The following ZNF555 variants were observed in gnomAD, a reference collection of about 807,000 sequenced individuals.
The protein encoded by ZNF555 is zinc finger protein 555.
A neutral mutation model predicts 14.0 loss-of-function variants in ZNF555; 10 were observed. That is an observed-to-expected ratio of 0.72 (90% confidence interval 0.44 to 1.21). The LOEUF is 1.21. Among genes scored for constraint, ZNF555 ranks in the 50% most tolerant of loss-of-function variants. The probability of loss-of-function intolerance (pLI) is 0.00; values close to 1 mark genes in which losing one functional copy is unlikely to be tolerated. For missense variants in ZNF555, 747 were observed against 762.0 expected, an observed-to-expected ratio of 0.98 and a Z score of 0.23; for synonymous variants, 277 against 262.4, an observed-to-expected ratio of 1.06 and a Z score of -0.54.
chr19:2,860,320 C>T lies in ZNF555; in HGVS notation c.*6368C>T, dbSNP rs1172244602. The T allele has an allele frequency of 1.3e-5, 2 of 151,954 alleles. No homozygotes were observed. Among genetic ancestry groups the T allele is most frequent in the Non-Finnish European group, 2.9e-5 (2 of 68,010 alleles). 9.4% of individuals were successfully genotyped at this position (151,954 alleles called of 1,614,324 possible). A position where few individuals can be genotyped will look rare whatever the true frequency, so the allele number is the denominator to read the frequency against. On this transcript the variant is annotated 3_prime_UTR_variant, in exon 4 of 4. Coordinates refer to ENST00000334241, the MANE Select transcript of ZNF555 (RefSeq NM_152791.5). The stretch of plus-strand genomic sequence containing the variant: ...AGTGTCTGTGAATGTCCATGTGTCT[C>T]ACTGCACAGCTGTGATTTTTCTGTG...
rs2087689314 is a variant in ZNF555 at position 2,857,100 on chromosome 19, AG to A, written c.*3150del. 1.3e-5 allele frequency: 2 copies of A among 152,232 alleles called. No homozygotes were observed. Among genetic ancestry groups the A allele is most frequent in the South Asian group, 4.1e-4 (2 of 4,832 alleles). The allele number at this position is 152,232 out of a possible 1,614,324, so 9.4% of individuals were successfully genotyped here. On this transcript the variant is annotated 3_prime_UTR_variant, in exon 4 of 4. Coordinates refer to ENST00000334241, the MANE Select transcript of ZNF555 (RefSeq NM_152791.5). Reference sequence around the variant, plus strand: ...GAACTTCCAGAATTAACTAGGGAAGAGGAAAAACATGTAACACCTTAGAGTT... The same window carrying A: ...GAACTTCCAGAATTAACTAGGGAAGAGAAAAACATGTAACACCTTAGAGTT...
intron 1 of ZNF555, among the ~76,000 whole-genome samples, chr19:2,841,946 C>T (rs2087540587): frequency 6.6e-6 from 1 of 151,810 alleles, no homozygotes; most frequent in Non-Finnish European, 1.5e-5. Context: ...CCCCGGGCCG[C>T]GGGAGGCAGA....
At position 2,853,455 on chromosome 19, in the gene ZNF555, T is replaced by C; in HGVS notation, c.1390T>C (p.Ser464Pro). Residue 464 changes from serine (S) to proline (P), a missense_variant, in exon 4 of 4, where the codon TCT becomes CCT. Transcript: ENST00000334241. ...CKQCGKAFSL[S>P]ACFREHVRMH... is the part of the protein sequence containing the mutation. ...GCAGTGTGGGAAAGCCTTCAGCTTGTCTGCTTGCTTTCGAGAACATGTGAG... is the reference window on the plus strand; with the variant it reads ...GCAGTGTGGGAAAGCCTTCAGCTTGCCTGCTTGCTTTCGAGAACATGTGAG... 1 of 1,614,110 alleles carries C rather than the reference T, an allele frequency of 6.2e-7. No individual in the cohort carries two copies.
chr19:2,841,826 G>A (rs1264164519), intron 1 of ZNF555, among the ~76,000 whole-genome samples: 1 of 151,612 alleles, frequency 6.6e-6, no homozygotes, highest in African/African-American at 2.4e-5. Flanking sequence ...GGCGCCCGGA[G>A]CCCGACTCCG....
In ZNF555 at chr19:2,858,445, G is replaced by A. The variant is rs1156350965; in HGVS notation, c.*4493G>A. Reference sequence around the variant, plus strand: ...CTGTGGTTCTGAAACATAAAACGGGGACCCTACACTTCTTCCCAGGAATAT... The same window carrying A: ...CTGTGGTTCTGAAACATAAAACGGGAACCCTACACTTCTTCCCAGGAATAT... On this transcript the variant is annotated 3_prime_UTR_variant, in exon 4 of 4. Transcript: ENST00000334241. 1 of 152,080 alleles carries A rather than the reference G, an allele frequency of 6.6e-6. No individual in the cohort carries two copies. Among genetic ancestry groups the A allele is most frequent in the Non-Finnish European group, 1.5e-5 (1 of 68,022 alleles). 9.4% of individuals were successfully genotyped at this position (152,080 alleles called of 1,614,324 possible).
At chr19:2,846,988 A>G (rs2087587179) in intron 1 of ZNF555, among the ~76,000 whole-genome samples, 1 of 152,224 alleles carries the variant, frequency 6.6e-6, no homozygotes, top group Non-Finnish European at 1.5e-5. Flanking sequence ...CCAATAGGAA[A>G]AATGATAGTA....
rs946510058 is a variant in ZNF555 at position 2,859,681 on chromosome 19, G to C, written c.*5729G>C. ...CTGTTCTCAGGTTCTTATGTAGACA[G>C]TGAGGGCTCAGGGAGGCTCCCACCA... On this transcript the variant is annotated 3_prime_UTR_variant, in exon 4 of 4. Transcript: ENST00000334241. The C allele has an allele frequency of 2.6e-5, 4 of 152,700 alleles. No individual in the cohort carries two copies. The highest frequency in any genetic ancestry group is 9.7e-5 in the African/African-American group (4 of 41,446). 9.5% of individuals were successfully genotyped at this position (152,700 alleles called of 1,614,324 possible).
In ZNF555 at chr19:2,851,538, G is replaced by C; in HGVS notation, c.201G>C (p.Lys67Asn). Residue 67 changes from lysine (K) to asparagine (N), a missense_variant, in exon 3 of 4, where the codon AAG (lysine) becomes AAC (asparagine). Transcript: ENST00000334241. ...QQDIYGEKIP[K>N]ESKIATFTRN... ...ATATTTATGGAGAGAAAATACCCAA[G>C]GAATCTAAAATAGCCACGTTCACCA... The C allele has an allele frequency of 6.2e-7, 1 of 1,611,088 alleles. No homozygotes were observed. The highest frequency in any genetic ancestry group is 8.5e-7 in the Non-Finnish European group (1 of 1,179,274).
At position 2,852,697 on chromosome 19, in the gene ZNF555, G is replaced by C; in HGVS notation, c.632G>C (p.Arg211Pro). 4.3e-6 allele frequency: 7 copies of C among 1,614,068 alleles called. No individual in the cohort carries two copies. The highest frequency in any genetic ancestry group is 5.9e-6 in the Non-Finnish European group (7 of 1,180,012). ...VCKLCGKTFP[R>P]TSSLNRHVRI... ...AAATTATGTGGGAAAACCTTTCCTC[G>C]TACTTCCTCCCTCAATCGGCATGTA... is the stretch of plus-strand genomic sequence containing the variant. The change falls in exon 4 of 4, where the codon CGT (arginine) becomes CCT (proline). Residue 211 changes from arginine to proline, a missense_variant. Transcript: ENST00000334241.
At chr19:2,849,651 AT>A (rs879580652) in intron 1 of ZNF555, among the ~76,000 whole-genome samples, 1,474 of 139,130 alleles carry the variant, frequency 0.011, 20 homozygotes, top group African/African-American at 0.032. Flanking sequence ...TGCCCGGCTA[AT>A]TTTTTTTTTT....
rs1006413988 is a variant in ZNF555, at chr19:2,857,484, G to A, written c.*3532G>A. The stretch of plus-strand genomic sequence containing the variant: ...ATATGGTATTCCTTTTATAAGACAT[G>A]GAAAAGGCAAAGATAAGGGAAACGA... On this transcript the variant is annotated 3_prime_UTR_variant, in exon 4 of 4. Transcript: ENST00000334241. 1 of 152,120 alleles carries A rather than the reference G, an allele frequency of 6.6e-6. No individual in the cohort carries two copies. The highest frequency in any genetic ancestry group is 2.4e-5 in the African/African-American group (1 of 41,416). 9.4% of individuals were successfully genotyped at this position (152,120 alleles called of 1,614,324 possible). A position where few individuals can be genotyped will look rare whatever the true frequency, so the allele number is the denominator to read the frequency against.
intron 2 of ZNF555, 42 bp from the exon 3 acceptor site, chr19:2,851,426 A>C: frequency 6.6e-7 from 1 of 1,512,690 alleles, no homozygotes; most frequent in Non-Finnish European, 8.9e-7. Context: ...TTTTCCGCTA[A>C]CAAGTGCCTT....
rs1213852468 is a variant in ZNF555 at position 2,849,462 on chromosome 19, T to G, written c.4-1125T>G. On this transcript the variant is annotated intron_variant, in intron 1 of 3. Transcript: ENST00000334241. The stretch of plus-strand genomic sequence containing the variant: ...TTGCAAAGTGGGACTCTTAACTTTA[T>G]CCTTAAGGTTAGCAATAATACTTTT... 5.3e-5 allele frequency among the ~76,000 whole-genome samples: 8 copies of G among 150,790 alleles called. No individual in the cohort carries two copies. The Admixed American group carries it at 5.3e-4, about 10-fold the overall frequency.
chr19:2,852,906 G>A lies in ZNF555; in HGVS notation c.841G>A (p.Glu281Lys), dbSNP rs548518127. The part of the protein sequence containing the change: ...FRRHTITHTG[E>K]KPYKCKECAE... ...AAGACACACAATAACACACACTGGC[G>A]AGAAGCCATATAAATGTAAGGAATG... Residue 281 changes from glutamate to lysine, a missense_variant, in exon 4 of 4, where the codon GAG becomes AAG. By Grantham distance (56) the Glu-to-Lys change is moderately conservative. Transcript: ENST00000334241. 14 of 1,614,058 alleles carry A rather than the reference G, an allele frequency of 8.7e-6. No homozygotes were observed. Among genetic ancestry groups the A allele is most frequent in the East Asian group, 2.2e-5 (1 of 44,898 alleles).
chr19:2,842,068 C>T (rs942710409), intron 1 of ZNF555, among the ~76,000 whole-genome samples: 1 of 152,038 alleles, frequency 6.6e-6, no homozygotes, highest in African/African-American at 2.4e-5. Context: ...TCCGCTCGCG[C>T]TCCCGCGGCT....
At position 2,853,399 on chromosome 19, in the gene ZNF555, C is replaced by T. The variant is rs760271832; in HGVS notation, c.1334C>T (p.Thr445Ile). 1 of 1,613,826 alleles carries T rather than the reference C, an allele frequency of 6.2e-7. No homozygotes were observed. The highest frequency in any genetic ancestry group is 8.5e-7 in the Non-Finnish European group (1 of 1,179,920). ...ATATCTTTACGAAAACATATGAGAA[C>T]ACATACTAGAGAGAAACCCTATGAA... ...WPISLRKHMR[T>I]HTREKPYECK... is the part of the protein sequence containing the mutation. Residue 445 changes from threonine to isoleucine, a missense_variant, in exon 4 of 4, where the codon ACA becomes ATA. Coordinates refer to ENST00000334241, the MANE Select transcript of ZNF555 (RefSeq NM_152791.5).
intron 1 of ZNF555, among the ~76,000 whole-genome samples, chr19:2,843,038 G>A (rs371745933): frequency 1.4e-5 from 2 of 146,202 alleles, no homozygotes; most frequent in East Asian, 4.0e-4. Flanking sequence ...GCGAGACTCC[G>A]TCTCAAAAAA....
rs186369079 is a variant in ZNF555 at position 2,849,674 on chromosome 19, G to A, written c.4-913G>A. Reference sequence around the variant, plus strand: ...TAATTTTTTTTTTTTTTTCAGTAGAGATGAGGTTTCACCATGTTGGCCAGG... The same window carrying A: ...TAATTTTTTTTTTTTTTTCAGTAGAAATGAGGTTTCACCATGTTGGCCAGG... On this transcript the variant is annotated intron_variant, in intron 1 of 3. Transcript: ENST00000334241. Among the ~76,000 whole-genome samples the A allele has an allele frequency of 4.1e-3, 612 of 150,426 alleles. 8 individuals are homozygous for A. The highest frequency in any genetic ancestry group is 0.014 in the African/African-American group (582 of 40,856).
chr19:2,843,794 A>G (rs904401878), intron 1 of ZNF555, among the ~76,000 whole-genome samples: 5 of 152,200 alleles, frequency 3.3e-5, no homozygotes, highest in African/African-American at 7.2e-5. Context: ...ATCCTCTGCA[A>G]TGCCGGCCCT....
Sources: allele counts gnomAD v4.1 joint callset (sites outside exome capture counted in the v4.1 genomes callset), GRCh38; gene constraint gnomAD v4.1.1; transcripts MANE v1.5; gene names NCBI Gene and HGNC (gene_info 2026-07-23, HGNC 2026-07-21).